PADI4: variants seen among roughly 807,000 people sequenced by gnomAD.
PADI4 encodes peptidyl arginine deiminase 4.
Under a neutral mutation model 75.0 loss-of-function variants are expected in PADI4, and 62 were observed. The observed-to-expected ratio is 0.83, with a 90% CI of 0.67 to 1.02. The LOEUF (loss-of-function observed/expected upper bound fraction) is 1.02. Ranked by LOEUF, PADI4 falls within the 50% of genes least tolerant of loss-of-function variation. PADI4 has a pLI of 0.00. For missense variants in PADI4, 845 were observed against 850.5 expected (o/e 0.99, Z 0.08); for synonymous variants, 361 against 348.1 (o/e 1.04, Z -0.41).
At chr1:17,309,046 G>C (rs2073728692) in intron 1 of PADI4, among the ~76,000 whole-genome samples, 1 of 151,974 alleles carries the variant, frequency 6.6e-6, no homozygotes, top group South Asian at 2.1e-4. Flanking sequence ...CAAGAGAGTT[G>C]AGGAATGCTC....
At position 17,354,687 on chromosome 1, in the gene PADI4, G is replaced by T. The variant is rs769142170; in HGVS notation, c.1310G>T (p.Ser437Ile). The T allele has an allele frequency of 6.3e-7, 1 of 1,598,066 alleles. No homozygotes were observed. Among genetic ancestry groups the T allele is most frequent in the Non-Finnish European group, 8.5e-7 (1 of 1,170,844 alleles). The change falls in exon 11 of 16, where the codon AGC becomes ATC. Residue 437 changes from serine to isoleucine, a missense_variant and splice_region_variant. Physicochemically the swap from Ser to Ile is moderately radical, Grantham distance 142. Coordinates refer to ENST00000375448, the MANE Select transcript of PADI4 (RefSeq NM_012387.3). ...CTCTTCGGGGACAGCTGTTATCCCA[G>T]GTAAGGAGGGGAGTAACAGGAAGGG... ...RILFGDSCYPSNDSRQMHQAL... is the reference protein window; with the variant it reads ...RILFGDSCYPINDSRQMHQAL...
intron 1 of PADI4, among the ~76,000 whole-genome samples, chr1:17,311,244 C>T (rs1355627047): frequency 6.6e-6 from 1 of 151,806 alleles, no homozygotes; most frequent in Non-Finnish European, 1.5e-5. Context: ...GCAAGGGCAA[C>T]AGAGTGAGAC....
chr1:17,347,634 C>A (rs1176469123), intron 9 of PADI4, among the ~76,000 whole-genome samples: 1 of 152,080 alleles, frequency 6.6e-6, no homozygotes, highest in Non-Finnish European at 1.5e-5. Flanking sequence ...CTGCCTGGCT[C>A]CCTTGTTTTC....
At chr1:17,330,901 G>A (rs1457689087) in intron 1 of PADI4, 68 bp from the exon 2 acceptor site, 3 of 1,012,024 alleles carry the variant, frequency 3.0e-6, no homozygotes, top group African/African-American at 3.4e-5. Flanking sequence ...GAGAAATGCT[G>A]GGAGAGCCAT....
intron 10 of PADI4, among the ~76,000 whole-genome samples, chr1:17,352,047 GTCAGGGAGGTGATGGGAGGTGGGAAGA>G (rs2074655947): frequency 9.6e-6 from 1 of 104,454 alleles, no homozygotes; most frequent in African/African-American, 4.2e-5. Flanking sequence ...AGGAGAGGCA[GTCAGGGAGGTGATGGGAGGTGGGAAGA>G]GAGGCAGTCA....
intron 8 of PADI4, 43 bp downstream of exon 8, chr1:17,342,445 A>G: frequency 1.7e-6 from 2 of 1,188,842 alleles, no homozygotes; most frequent in Admixed American, 1.8e-5. Flanking sequence ...GACAACAAAG[A>G]GCCTGAGTTC....
At chr1:17,352,096 G>A (rs1325267898) in intron 10 of PADI4, among the ~76,000 whole-genome samples, 4 of 135,006 alleles carry the variant, frequency 3.0e-5, no homozygotes, top group Non-Finnish European at 6.5e-5. Context: ...GGAGGTGATG[G>A]GAGGTGGTAG....
rs879269115 is a variant in PADI4 at position 17,311,539 on chromosome 1, T to TTA, written c.92+3225_92+3226insTA. 5.3e-3 allele frequency among the ~76,000 whole-genome samples: 800 copies of TTA among 150,434 alleles called. 6 individuals carry two copies. The highest frequency in any genetic ancestry group is 0.012 in the African/African-American group (472 of 41,006). ...GTCTCCTTCTTCTTTTTTTTTTTTT[T>TTA]AAAAACGGAGTCTCGCTCTGTCCAG... On this transcript the variant is annotated intron_variant, in intron 1 of 15. Transcript: ENST00000375448.
At chr1:17,345,963 C>A in intron 8 of PADI4, 65 bp from the exon 9 acceptor site, 1 of 1,098,002 alleles carries the variant, frequency 9.1e-7, no homozygotes, top group Non-Finnish European at 1.4e-6. Flanking sequence ...TGTGTCCCTC[C>A]CAATCCTTCC....
intron 10 of PADI4, among the ~76,000 whole-genome samples, chr1:17,353,550 A>G (rs149025758): frequency 3.7e-4 from 56 of 152,198 alleles, no homozygotes; most frequent in African/African-American, 1.2e-3. Context: ...TGGACCATCT[A>G]TGTGTAGAAG....
chr1:17,354,667 CG>C lies in PADI4; in HGVS notation c.1294del (p.Asp432ThrfsTer29), dbSNP rs766378870. The C allele has an allele frequency of 6.2e-7, 1 of 1,610,206 alleles. No individual in the cohort carries two copies. Among genetic ancestry groups the C allele is most frequent in the Admixed American group, 1.7e-5 (1 of 59,712 alleles). ...KEYPLGRILF[G>X]DSCYPSNDSR... ...AATACCCGCTGGGCAGGATTCTCTT[CG>C]GGGACAGCTGTTATCCCAGGTAAGG... On this transcript the variant is annotated frameshift_variant, in exon 11 of 16. Transcript: ENST00000375448. LOFTEE classifies it high-confidence loss of function.
chr1:17,316,715 T>A (rs56320914), intron 1 of PADI4, among the ~76,000 whole-genome samples: 101,101 of 136,194 alleles, frequency 0.74, 36,202 homozygotes, highest in Middle Eastern at 0.82. Context: ...ATAAATTAAT[T>A]AATTAATTAA....
chr1:17,338,796 A>G (rs2074363218), intron 5 of PADI4, among the ~76,000 whole-genome samples: 1 of 152,166 alleles, frequency 6.6e-6, no homozygotes, highest in Non-Finnish European at 1.5e-5. Flanking sequence ...GTGAGGAAAC[A>G]TTATCCACCT....
intron 1 of PADI4, among the ~76,000 whole-genome samples, chr1:17,309,888 C>A (rs1391379189): frequency 6.6e-6 from 1 of 152,188 alleles, no homozygotes; most frequent in Admixed American, 6.5e-5. Flanking sequence ...AGCCCAGGGC[C>A]TCTCCCAGCA....
chr1:17,310,799 A>T (rs890217857), intron 1 of PADI4, among the ~76,000 whole-genome samples: 2 of 152,134 alleles, frequency 1.3e-5, no homozygotes, highest in African/African-American at 4.8e-5. Flanking sequence ...CGTCTCTACT[A>T]AAAATACAAA....
At position 17,356,317 on chromosome 1, in the gene PADI4, G is replaced by A. The variant is rs1430301776; in HGVS notation, c.1456-40G>A. On this transcript the variant is annotated intron_variant, in intron 12 of 15. Coordinates refer to ENST00000375448, the MANE Select transcript of PADI4 (RefSeq NM_012387.3). This position sits in a 1 kb window ranked among gnomAD's most constrained non-coding sequence, Gnocchi z 4.1. ...GATCCACCCTCGTTGGGAGCTCCAG[G>A]GGCAAAGCTGACTTCTAACCCCAGT... 1 of 1,462,278 alleles carries A rather than the reference G, an allele frequency of 6.8e-7. No individual in the cohort carries two copies. Among genetic ancestry groups the A allele is most frequent in the Non-Finnish European group, 9.4e-7 (1 of 1,069,028 alleles). The allele number at this position is 1,462,278 out of a possible 1,614,324, so 90.6% of individuals were successfully genotyped here.
intron 1 of PADI4, among the ~76,000 whole-genome samples, chr1:17,317,048 C>T (rs1052983135): frequency 6.6e-6 from 1 of 152,206 alleles, no homozygotes; most frequent in African/African-American, 2.4e-5. Context: ...TCAGTTTCTT[C>T]ATTTGTAGAA....
At position 17,308,286 on chromosome 1, in the gene PADI4, G is replaced by A. The variant is rs367980085; in HGVS notation, c.64G>A (p.Gly22Ser). 3 of 1,613,956 alleles carry A rather than the reference G, an allele frequency of 1.9e-6. No homozygotes were observed. Among genetic ancestry groups the A allele is most frequent in the African/African-American group, 2.7e-5 (2 of 74,914 alleles). Residue 22 changes from glycine to serine, a missense_variant, in exon 1 of 16, where the codon GGC (glycine) becomes AGC (serine). Gly to Ser is a moderately conservative substitution (Grantham distance 56). Coordinates refer to ENST00000375448, the MANE Select transcript of PADI4 (RefSeq NM_012387.3). ...GCCCACCCATGCCGTGTGTGTGCTG[G>A]GCACCTTGACTCAGCTTGACATCTG... is the stretch of plus-strand genomic sequence containing the variant. ...EQPTHAVCVLGTLTQLDICSS... is the reference protein window; with the variant it reads ...EQPTHAVCVLSTLTQLDICSS...
At chr1:17,363,142 G>A (rs1366173200) in intron 15 of PADI4, among the ~76,000 whole-genome samples, 2 of 151,584 alleles carry the variant, frequency 1.3e-5, no homozygotes, top group Non-Finnish European at 2.9e-5. Flanking sequence ...GTAGAGTCTC[G>A]CTCTGTCGCC....
Sources: gnomAD v4.1 joint callset for allele counts (sites outside exome capture counted in the v4.1 genomes callset) on GRCh38, gnomAD v4.1.1 for gene constraint, Gnocchi (gnomAD v3.1) non-coding constraint, MANE v1.5 for transcripts, NCBI Gene and HGNC (gene_info 2026-07-23, HGNC 2026-07-21) for gene names.